The following ATP2B4 variants were observed in gnomAD, a reference collection of about 807,000 sequenced individuals.
The protein encoded by ATP2B4 is ATPase plasma membrane Ca2+ transporting 4, also known as plasma membrane calcium-transporting ATPase 4.
ATP2B4 carries 39 observed loss-of-function variants against 110.3 expected under a neutral mutation model. That is an observed-to-expected ratio of 0.35 (90% confidence interval 0.27 to 0.46). ATP2B4 has a LOEUF of 0.46. Among genes scored for constraint, ATP2B4 ranks in the 20% least tolerant of loss-of-function variants. The pLI is 1.00. For synonymous variants in ATP2B4, 538 were observed against 571.7 expected (o/e 0.94, Z 0.84); for missense variants, 1,135 against 1,530.9 (o/e 0.74, Z 4.32).
At chr1:203,733,678 C>G in intron 20 of ATP2B4, 1 of 384,656 alleles carries the variant, frequency 2.6e-6, no homozygotes, top group South Asian at 6.3e-5. Flanking sequence ...TCTTCCTTTT[C>G]TTGAGTTTTG....
In ATP2B4 at chr1:203,707,240, C is replaced by A. The variant is rs759931102; in HGVS notation, c.1314+17C>A. ...TCTGTGAAGGTGAGACTAGAACAATCCTATCTCTTCCTTTAGGATAGAGAT... is the reference window on the plus strand; with the variant it reads ...TCTGTGAAGGTGAGACTAGAACAATACTATCTCTTCCTTTAGGATAGAGAT... On this transcript the variant is annotated intron_variant, in intron 9 of 20. Transcript: ENST00000357681. 83 of 1,597,368 alleles carry A rather than the reference C, an allele frequency of 5.2e-5. No homozygotes were observed. Among genetic ancestry groups the A allele is most frequent in the Non-Finnish European group, 6.5e-5 (76 of 1,167,226 alleles).
At chr1:203,646,168 C>T (rs756171235) in intron 1 of ATP2B4, among the ~76,000 whole-genome samples, 3 of 152,018 alleles carry the variant, frequency 2.0e-5, no homozygotes, top group Non-Finnish European at 2.9e-5. Flanking sequence ...AACTGCATGA[C>T]CTCATTCCCT....
intron 2 of ATP2B4, among the ~76,000 whole-genome samples, chr1:203,693,588 A>G (rs896553661): frequency 2.6e-5 from 4 of 152,196 alleles, no homozygotes; most frequent in Non-Finnish European, 4.4e-5. Flanking sequence ...TTGGGTCCAA[A>G]AAAGGCCATA....
At chr1:203,717,194 T>A (rs1666181759) in intron 15 of ATP2B4, among the ~76,000 whole-genome samples, 1 of 152,122 alleles carries the variant, frequency 6.6e-6, no homozygotes, top group African/African-American at 2.4e-5. Context: ...CTAGACTCCA[T>A]CTCAAAAAAC....
At chr1:203,727,085 G>C (rs1004089453) in intron 19 of ATP2B4, among the ~76,000 whole-genome samples, 4 of 152,162 alleles carry the variant, frequency 2.6e-5, no homozygotes, top group Non-Finnish European at 5.9e-5. Flanking sequence ...TTGCAAAATG[G>C]AACAGAAGAA....
Position 203,683,543 on chromosome 1 carries a change from C to T in ATP2B4, c.193+145C>T. Reference sequence around the variant, plus strand: ...TGGGAAAGGTATGGCATCTGAAGCACTGAAAGGAGGGCAGGCCATGAAGAA... The same window carrying T: ...TGGGAAAGGTATGGCATCTGAAGCATTGAAAGGAGGGCAGGCCATGAAGAA... On this transcript the variant is annotated intron_variant, in intron 2 of 20. Transcript: ENST00000357681. 3 of 723,588 alleles carry T rather than the reference C, an allele frequency of 4.1e-6. No homozygotes were observed. In the South Asian group the frequency reaches 8.3e-5, roughly 20 times the overall value. 44.8% of individuals were successfully genotyped at this position (723,588 alleles called of 1,614,324 possible).
At position 203,629,619 on chromosome 1, in the gene ATP2B4, G is replaced by C. The variant is rs891758498; in HGVS notation, c.-465+2400G>C. ...ACCCTGCGGCCCCTGTGCTCTCCGC[G>C]GCCTCTGCGACCCCGCCCCGCCAGC... On this transcript the variant is annotated intron_variant, in intron 1 of 20. Transcript: ENST00000357681. The surrounding 1 kb of genome is among the most constrained non-coding windows in gnomAD (Gnocchi z 4.6). Among the ~76,000 whole-genome samples, 6 of 152,070 alleles carry C rather than the reference G, an allele frequency of 3.9e-5. No individual in the cohort carries two copies. The highest frequency in any genetic ancestry group is 7.4e-5 in the Non-Finnish European group (5 of 67,984).
At chr1:203,637,435 CAAA>C (rs57493948) in intron 1 of ATP2B4, among the ~76,000 whole-genome samples, 4 of 89,102 alleles carry the variant, frequency 4.5e-5, no homozygotes, top group African/African-American at 9.0e-5. Flanking sequence ...GACTCTGTCT[CAAA>C]AAAAAAAAAA....
In ATP2B4 at chr1:203,711,005, G is replaced by A. The variant is rs768808457; in HGVS notation, c.1928G>A (p.Arg643Gln). Reference sequence around the variant, plus strand: ...CTCCGGACTATCTGCATAGCTTACCGGGACTTCGATGACACAGAGCCCTCT... The same window carrying A: ...CTCCGGACTATCTGCATAGCTTACCAGGACTTCGATGACACAGAGCCCTCT... Reference protein sequence around the residue: ...DGLRTICIAYRDFDDTEPSWD... With the variant: ...DGLRTICIAYQDFDDTEPSWD... The change falls in exon 12 of 21, where the codon CGG (arginine) becomes CAG (glutamine). Residue 643 changes from arginine (R) to glutamine (Q), a missense_variant. Coordinates refer to ENST00000357681, the MANE Select transcript of ATP2B4 (RefSeq NM_001684.5). 9.3e-6 allele frequency: 15 copies of A among 1,613,930 alleles called. No individual in the cohort carries two copies. The highest frequency in any genetic ancestry group is 2.2e-5 in the East Asian group (1 of 44,888).
intron 1 of ATP2B4, among the ~76,000 whole-genome samples, chr1:203,679,790 G>A (rs555843754): frequency 2.0e-5 from 3 of 152,276 alleles, no homozygotes; most frequent in Admixed American, 6.5e-5. Context: ...ACTGAGGCAG[G>A]AGAATCACTT....
chr1:203,646,243 G>A (rs889872737), intron 1 of ATP2B4, among the ~76,000 whole-genome samples: 2 of 10,712 alleles, frequency 1.9e-4, no homozygotes, highest in Non-Finnish European at 0.013. Flanking sequence ...AGAAAGTAAG[G>A]CTCAAGAGAT....
At chr1:203,664,706 G>A (rs374388664) in intron 1 of ATP2B4, among the ~76,000 whole-genome samples, 90 of 152,324 alleles carry the variant, frequency 5.9e-4, no homozygotes, top group African/African-American at 9.9e-4. Context: ...TGGCTCTGGT[G>A]CATCCCCATG....
intron 1 of ATP2B4, among the ~76,000 whole-genome samples, chr1:203,667,426 T>TC (rs1469143222): frequency 6.6e-6 from 1 of 152,240 alleles, no homozygotes; most frequent in African/African-American, 2.4e-5. Context: ...GGAGTAAGGT[T>TC]CTGGAGTGTG....
intron 20 of ATP2B4, among the ~76,000 whole-genome samples, chr1:203,737,393 C>A (rs888847250): frequency 1.3e-5 from 2 of 152,134 alleles, no homozygotes; most frequent in South Asian, 4.1e-4. Context: ...AAAATGTGGG[C>A]TATGTTATCA....
At chr1:203,651,647 A>C (rs181807038) in intron 1 of ATP2B4, among the ~76,000 whole-genome samples, 4 of 152,340 alleles carry the variant, frequency 2.6e-5, no homozygotes, top group African/African-American at 9.6e-5. Flanking sequence ...CTGCAGTCCC[A>C]GCTACTCAGG....
At chr1:203,645,044 A>C (rs1351997885) in intron 1 of ATP2B4, among the ~76,000 whole-genome samples, 1 of 152,190 alleles carries the variant, frequency 6.6e-6, no homozygotes, top group Non-Finnish European at 1.5e-5. Context: ...AGGTCAGGCT[A>C]TTGGAAGGCC....
chr1:203,704,429 G>A (rs1665786283), intron 8 of ATP2B4, among the ~76,000 whole-genome samples: 1 of 140,768 alleles, frequency 7.1e-6, no homozygotes, highest in African/African-American at 2.7e-5. Flanking sequence ...AGAAATAGAA[G>A]ATTGCTACTT....
rs150588660 is a variant in ATP2B4 at position 203,682,719 on chromosome 1, C to G, written c.-464-23C>G. The G allele has an allele frequency of 2.8e-3, 430 of 153,356 alleles. 4 individuals carry two copies. In the East Asian group the frequency reaches 0.029, roughly 10 times the overall value. The allele number at this position is 153,356 out of a possible 1,614,324, so 9.5% of individuals were successfully genotyped here. ...GGCTGCTCTAATGGTTTCTTTTTGT[C>G]TATCTTTGAACCTTTATTCCAGAGA... On this transcript the variant is annotated intron_variant, in intron 1 of 20. Transcript: ENST00000357681.
chr1:203,703,500 T>C (rs956961109), intron 7 of ATP2B4, 152 bp from the exon 8 acceptor site: 17 of 794,804 alleles, frequency 2.1e-5, no homozygotes, highest in Non-Finnish European at 3.1e-5. Flanking sequence ...GCAAGTTCCA[T>C]GTCTAGCATG....
Sources: allele counts gnomAD v4.1 joint callset (sites outside exome capture counted in the v4.1 genomes callset), GRCh38; gene constraint gnomAD v4.1.1; non-coding constraint Gnocchi (gnomAD v3.1); transcripts MANE v1.5; gene names NCBI Gene and HGNC (gene_info 2026-07-23, HGNC 2026-07-21).